Variants in XPO4 observed in about 807,000 individuals in gnomAD.
XPO4 encodes the protein exportin 4.
A neutral mutation model predicts 143.0 loss-of-function variants in XPO4; 39 were observed. That is an observed-to-expected ratio of 0.27 (90% CI 0.21 to 0.36). The LOEUF is 0.36. XPO4 is among the 10% of genes least tolerant of loss of function. The pLI is 1.00. For synonymous variants in XPO4, 439 were observed against 474.0 expected, an observed-to-expected ratio of 0.93 and a Z score of 0.96; for missense variants, 907 against 1,348.0, an observed-to-expected ratio of 0.67 and a Z score of 5.12.
intron 13 of XPO4, among the ~76,000 whole-genome samples, chr13:20,801,824 G>A (rs2059437601): frequency 6.6e-6 from 1 of 152,118 alleles, no homozygotes; most frequent in Non-Finnish European, 1.5e-5. Context: ...AGTGCTCTCA[G>A]GAAGCCTGAA....
chr13:20,826,523 C>G (rs535850328), intron 7 of XPO4, among the ~76,000 whole-genome samples: 1 of 152,140 alleles, frequency 6.6e-6, no homozygotes, highest in African/African-American at 2.4e-5. Flanking sequence ...CGAGGCCACA[C>G]GATGTGCGAT....
rs759628687 is a variant in XPO4, at chr13:20,796,998, C to A, written c.2382G>T (p.Gln794His). The A allele has an allele frequency of 6.2e-7, 1 of 1,612,846 alleles. No individual in the cohort carries two copies. Among genetic ancestry groups the A allele is most frequent in the South Asian group, 1.1e-5 (1 of 90,766 alleles). ...LRVINQENFQ[Q>H]MCQQEEVKQE... ...GCTTGACTTCCTCTTGCTGACACAT[C>A]TGCTGGAAGTTTTCTTGGTTTATCA... Residue 794 changes from glutamine to histidine, a missense_variant, in exon 17 of 23, where the codon CAG becomes CAT. Gln to His is a conservative substitution (Grantham distance 24). Coordinates refer to ENST00000255305, the MANE Select transcript of XPO4 (RefSeq NM_022459.5).
chr13:20,828,913 C>G (rs1373248249), intron 6 of XPO4, among the ~76,000 whole-genome samples: 2 of 152,192 alleles, frequency 1.3e-5, no homozygotes, highest in African/African-American at 2.4e-5. Flanking sequence ...ACTGATTTAT[C>G]TGACACCTAG....
At chr13:20,807,366 C>T (rs767786299) in intron 13 of XPO4, 91 bp downstream of exon 13, 10 of 1,260,408 alleles carry the variant, frequency 7.9e-6, no homozygotes, top group South Asian at 1.4e-5. Flanking sequence ...AGATTTACAA[C>T]GTGCCTATCA....
chr13:20,873,469 A>G (rs1235360665), intron 1 of XPO4, among the ~76,000 whole-genome samples: 4 of 152,194 alleles, frequency 2.6e-5, no homozygotes, highest in African/African-American at 4.8e-5. Flanking sequence ...CCCTGTCCTT[A>G]TGGAATTCTA....
chr13:20,796,276 A>C lies in XPO4; in HGVS notation c.2617-20T>G, dbSNP rs757232744. On this transcript the variant is annotated intron_variant, in intron 17 of 22. Transcript: ENST00000255305. ...TTTGGACTGAAAAAAAAAAAAATGC[A>C]CAAATTATGCTACTTGGTACACTGA... The C allele has an allele frequency of 3.2e-6, 5 of 1,543,322 alleles. No individual in the cohort carries two copies. In the Admixed American group the frequency reaches 9.8e-5, roughly 30 times the overall value.
At chr13:20,804,670 T>A (rs1277922298) in intron 13 of XPO4, among the ~76,000 whole-genome samples, 1 of 152,210 alleles carries the variant, frequency 6.6e-6, no homozygotes, top group Non-Finnish European at 1.5e-5. Flanking sequence ...GTTGTTGATA[T>A]TCCAAGATTA....
intron 1 of XPO4, among the ~76,000 whole-genome samples, chr13:20,883,124 CT>C (rs1255119249): frequency 1.3e-5 from 2 of 152,226 alleles, no homozygotes; most frequent in Non-Finnish European, 2.9e-5. Context: ...CTGAGAATGG[CT>C]TTACCATCCT....
At chr13:20,889,771 A>G (rs969821664) in intron 1 of XPO4, among the ~76,000 whole-genome samples, 16 of 152,282 alleles carry the variant, frequency 1.1e-4, no homozygotes, top group African/African-American at 3.6e-4. Flanking sequence ...ATGTGATATC[A>G]TTCTTTCATC....
chr13:20,840,856 G>A (rs2059966920), intron 6 of XPO4, among the ~76,000 whole-genome samples: 1 of 152,210 alleles, frequency 6.6e-6, no homozygotes, highest in Non-Finnish European at 1.5e-5. Flanking sequence ...CATAAGCCAT[G>A]AAGCAAAATA....
In XPO4 at chr13:20,799,456, G is replaced by A. The variant is rs2059405176; in HGVS notation, c.2148-117C>T. On this transcript the variant is annotated intron_variant, in intron 15 of 22. Coordinates refer to ENST00000255305, the MANE Select transcript of XPO4 (RefSeq NM_022459.5). Reference sequence around the variant, plus strand: ...ATAACTAGATTTAATTACTGTTAAAGCAAAGTACAGTAAACTTAGTATAGA... The same window carrying A: ...ATAACTAGATTTAATTACTGTTAAAACAAAGTACAGTAAACTTAGTATAGA... 4.6e-6 allele frequency: 4 copies of A among 864,776 alleles called. No individual in the cohort carries two copies. In the Admixed American group the frequency reaches 1.2e-4, roughly 25 times the overall value. 53.6% of individuals were successfully genotyped at this position (864,776 alleles called of 1,614,324 possible).
At chr13:20,860,030 C>A (rs987102145) in intron 3 of XPO4, 1 of 163,164 alleles carries the variant, frequency 6.1e-6, no homozygotes, top group African/African-American at 2.4e-5. Context: ...GGCCCTGACT[C>A]CATAAGGTAG....
intron 9 of XPO4, among the ~76,000 whole-genome samples, chr13:20,819,647 G>A (rs138388549): frequency 0.02 from 3,096 of 151,642 alleles, 84 homozygotes; most frequent in Middle Eastern, 0.075. Flanking sequence ...GCGACAGAGC[G>A]AGACTCCATC....
chr13:20,887,517 G>C (rs1414452142), intron 1 of XPO4, among the ~76,000 whole-genome samples: 1 of 152,138 alleles, frequency 6.6e-6, no homozygotes, highest in Non-Finnish European at 1.5e-5. Context: ...TATACACTGT[G>C]ACCAAGTTAG....
chr13:20,849,055 T>C, intron 4 of XPO4: 2 of 985,422 alleles, frequency 2.0e-6, no homozygotes, highest in Non-Finnish European at 2.4e-6. Flanking sequence ...ATAGCTTGCC[T>C]TACTCACCAG....
At chr13:20,804,527 G>T (rs1252064444) in intron 13 of XPO4, among the ~76,000 whole-genome samples, 1 of 151,642 alleles carries the variant, frequency 6.6e-6, no homozygotes, top group Non-Finnish European at 1.5e-5. Flanking sequence ...AGCCCCCTCT[G>T]GTTCTCCTCT....
At chr13:20,882,109 C>CAAAAAAAAAAAAAAAAAAAAAAAAAA (rs35404161) in intron 1 of XPO4, among the ~76,000 whole-genome samples, 10 of 93,344 alleles carry the variant, frequency 1.1e-4, no homozygotes, top group African/African-American at 2.8e-4. Context: ...GACTCGGTCT[C>CAAAAAAAAAAAAAAAAAAAAAAAAAA]AAAAAAAAAA....
intron 2 of XPO4, 147 bp from the exon 3 acceptor site, chr13:20,863,005 C>A: frequency 6.9e-7 from 1 of 1,440,926 alleles, no homozygotes; most frequent in Non-Finnish European, 9.1e-7. Context: ...TGCTCTAGCA[C>A]CACAAAGAGG....
chr13:20,861,629 T>C (rs966004018), intron 3 of XPO4, among the ~76,000 whole-genome samples: 2 of 151,904 alleles, frequency 1.3e-5, no homozygotes, highest in Admixed American at 6.6e-5. Context: ...AAGAAATAAA[T>C]GTACATAATT....
Sources: gnomAD v4.1 joint callset for allele counts (sites outside exome capture counted in the v4.1 genomes callset) on GRCh38, gnomAD v4.1.1 for gene constraint, MANE v1.5 for transcripts, NCBI Gene and HGNC (gene_info 2026-07-23, HGNC 2026-07-21) for gene names.